ZNF600: variants seen among roughly 807,000 people sequenced by gnomAD.
ZNF600 encodes zinc finger protein 600.
A neutral mutation model predicts 7.3 loss-of-function variants in ZNF600; 4 were observed. The observed-to-expected ratio is 0.55, with a 90% CI of 0.27 to 1.25. ZNF600 has a LOEUF of 1.25. ZNF600 is among the 50% of genes most tolerant of loss of function. The pLI, the probability that ZNF600 is intolerant of heterozygous loss-of-function variation, is 0.12. For synonymous variants in ZNF600, 290 were observed against 308.9 expected (o/e 0.94, Z 0.64); for missense variants, 911 against 922.1 (o/e 0.99, Z 0.16).
the ZNF600 span, among the ~76,000 whole-genome samples, chr19:52,814,037 A>C: frequency 6.8e-6 from 1 of 146,598 alleles, no homozygotes. Context: ...ACAAAAAAGA[A>C]AAAACTTTTT....
chr19:52,815,762 T>G, the ZNF600 span, among the ~76,000 whole-genome samples: 107 of 146,092 alleles, frequency 7.3e-4, 7 homozygotes, highest in Non-Finnish European at 1.1e-3. Flanking sequence ...GAGGCGGAGC[T>G]TGCAGTGAGC....
chr19:52,826,071 T>G, the ZNF600 span, among the ~76,000 whole-genome samples: 1 of 152,132 alleles, frequency 6.6e-6, no homozygotes, highest in East Asian at 1.9e-4. Context: ...CAGCAGTGAT[T>G]CCCCATTGAG....
chr19:52,798,646 T>A, the ZNF600 span: 1 of 439,980 alleles, frequency 2.3e-6, no homozygotes, highest in Non-Finnish European at 4.6e-6. Context: ...TTGCATAGGA[T>A]GAAACTTGAC....
the ZNF600 span, chr19:52,799,072 T>C: frequency 1.3e-3 from 609 of 459,352 alleles, 3 homozygotes; most frequent in African/African-American, 0.011. Flanking sequence ...GATTTGTGAC[T>C]GACAACTTTG....
At chr19:52,801,168 C>T in the ZNF600 span, 10 of 1,614,028 alleles carry the variant, frequency 6.2e-6, no homozygotes, top group East Asian at 2.2e-5. Context: ...AAGTGAGCTA[C>T]AATTAAAGGA....
chr19:52,801,925 C>T, the ZNF600 span, among the ~76,000 whole-genome samples: 1 of 152,140 alleles, frequency 6.6e-6, no homozygotes, highest in Non-Finnish European at 1.5e-5. Flanking sequence ...CATGACAAAA[C>T]ACTGACAGGG....
upstream of ZNF600, among the ~76,000 whole-genome samples, chr19:52,788,442 A>T (rs184174796): frequency 1.7e-4 from 26 of 152,206 alleles, no homozygotes; most frequent in Middle Eastern, 3.4e-3. Context: ...AAAATACGAG[A>T]TTTAATTTTT....
chr19:52,792,715 CCT>C, the ZNF600 span, among the ~76,000 whole-genome samples: 48 of 151,766 alleles, frequency 3.2e-4, no homozygotes, highest in Non-Finnish European at 4.6e-4. Context: ...CCGGCTCAAT[CCT>C]CTTTTTATTT....
chr19:52,807,760 C>A, the ZNF600 span: 1 of 644,614 alleles, frequency 1.6e-6, no homozygotes, highest in East Asian at 3.4e-5. Flanking sequence ...CAGGCGTGAG[C>A]CACCACGACC....
chr19:52,801,120 T>A, the ZNF600 span: 36 of 1,614,144 alleles, frequency 2.2e-5, no homozygotes, highest in South Asian at 4.0e-4. Flanking sequence ...ACATTTACAT[T>A]GTTTCTCTTC....
the ZNF600 span, chr19:52,810,789 CAGA>C: frequency 4.4e-6 from 2 of 458,536 alleles, no homozygotes; most frequent in East Asian, 3.6e-5. Flanking sequence ...CCAAAAAAAA[CAGA>C]AGATGACCTT....
At chr19:52,809,895 C>T in the ZNF600 span, 2 of 807,522 alleles carry the variant, frequency 2.5e-6, no homozygotes, top group Admixed American at 2.1e-5. Context: ...CAGGCCGGGG[C>T]GGCGCCATCT....
exon 4 of ZNF600, chr19:52,766,072 T>C: frequency 6.2e-7 from 1 of 1,613,398 alleles, no homozygotes; most frequent in Non-Finnish European, 8.5e-7. Context: ...TGACTGAAGG[T>C]CTTGCCACAC....
At chr19:52,771,230 C>T (rs1402843197) in intron 3 of ZNF600, among the ~76,000 whole-genome samples, 1 of 152,118 alleles carries the variant, frequency 6.6e-6, no homozygotes, top group East Asian at 1.9e-4. Flanking sequence ...TGGGCTAAAC[C>T]ACGAAGAAGG....
At chr19:52,811,640 GA>G in the ZNF600 span, among the ~76,000 whole-genome samples, 3 of 147,868 alleles carry the variant, frequency 2.0e-5, no homozygotes, top group Admixed American at 6.6e-5. Context: ...GAGAAGTGAG[GA>G]AACCCTCTGC....
chr19:52,766,239 G>A, exon 4 of ZNF600: 2 of 1,614,112 alleles, frequency 1.2e-6, no homozygotes, highest in Non-Finnish European at 1.7e-6. Context: ...CAGACGGAAG[G>A]TCTTGCTGCA....
chr19:52,815,190 T>A, the ZNF600 span, among the ~76,000 whole-genome samples: 1 of 144,586 alleles, frequency 6.9e-6, no homozygotes, highest in Non-Finnish European at 1.5e-5. Context: ...AAAGGATACT[T>A]TGGCAGTGGG....
chr19:52,767,096 A>C lies in ZNF600; in HGVS notation c.867T>G (p.Cys289Trp), dbSNP rs202093091. 8.6e-5 allele frequency: 138 copies of C among 1,613,776 alleles called. No individual in the cohort carries two copies. The highest frequency in any genetic ancestry group is 1.1e-4 in the Non-Finnish European group (132 of 1,179,780). The change falls in exon 4 of 4, where the codon TGT becomes TGG. Residue 289 changes from cysteine (C) to tryptophan (W), a missense_variant. Transcript: ENST00000648973. ...GACTGAAGGACTTTCCACACTCATT[A>C]CACTTGTAAGGTTTCTCTCCAGTGT...
At chr19:52,799,378 T>C in the ZNF600 span, 1 of 593,652 alleles carries the variant, frequency 1.7e-6, no homozygotes, top group Non-Finnish European at 3.0e-6. Flanking sequence ...GCATGCATTT[T>C]CTTATGTGTT....
Sources: allele counts gnomAD v4.1 joint callset (sites outside exome capture counted in the v4.1 genomes callset), GRCh38; gene constraint gnomAD v4.1.1; transcripts MANE v1.5; gene names NCBI Gene and HGNC (gene_info 2026-07-23, HGNC 2026-07-21).